The following COL20A1 variants were observed in gnomAD, a reference collection of about 807,000 sequenced individuals.
COL20A1 encodes collagen alpha-1(XX) chain.
COL20A1 carries 164 observed loss-of-function variants against 152.9 expected under a neutral mutation model. That is an observed-to-expected ratio of 1.07 (90% confidence interval 0.94 to 1.22). COL20A1 has a LOEUF of 1.22. Ranked by LOEUF, COL20A1 falls within the 50% of genes most tolerant of loss-of-function variation. COL20A1 has a pLI of 0.00. For missense variants in COL20A1, 1,873 were observed against 1,744.8 expected (o/e 1.07, Z -1.31); for synonymous variants, 864 against 756.0 (o/e 1.14, Z -2.34).
At position 63,295,087 on chromosome 20, in the gene COL20A1, C is replaced by G. The variant is rs898182205; in HGVS notation, c.-10-11C>G. On this transcript the variant is annotated splice_polypyrimidine_tract_variant and intron_variant, in intron 1 of 35. Transcript: ENST00000358894. ...GGACGGCTGAAGGGCATGGCCTCTT[C>G]CCTGCCACAGCCCGAGCACCATGAG... is the stretch of plus-strand genomic sequence containing the variant. The G allele has an allele frequency of 2.6e-6, 4 of 1,534,654 alleles. No individual in the cohort carries two copies. Among genetic ancestry groups the G allele is most frequent in the Non-Finnish European group, 3.5e-6 (4 of 1,135,684 alleles).
chr20:63,295,279 C>T (rs1216306920), intron 2 of COL20A1, 90 bp downstream of exon 2: 3 of 800,550 alleles, frequency 3.7e-6, no homozygotes, highest in Non-Finnish European at 6.1e-6. Context: ...GCCCCTGAGC[C>T]CCGTCTTCCT....
At position 63,320,058 on chromosome 20, in the gene COL20A1, G is replaced by A. The variant is rs558179729; in HGVS notation, c.2936G>A (p.Arg979His). ...SFHKVHVAVG[R>H]SKVRLYVDCR... ...TCACAGGTGCACGTGGCTGTGGGCC[G>A]CTCCAAGGTCAGGCTCTATGTGGAC... The change falls in exon 24 of 36, where the codon CGC becomes CAC. Residue 979 changes from arginine (R) to histidine (H), a missense_variant. By Grantham distance (29) the Arg-to-His change is conservative. Transcript: ENST00000358894. 4.4e-5 allele frequency: 68 copies of A among 1,554,838 alleles called. No individual in the cohort carries two copies. The highest frequency in any genetic ancestry group is 3.3e-4 in the Middle Eastern group (2 of 5,996).
chr20:63,316,771 G>C (rs1238912965), intron 21 of COL20A1, 80 bp downstream of exon 21: 2 of 1,350,932 alleles, frequency 1.5e-6, no homozygotes, highest in African/African-American at 2.9e-5. Context: ...TGGGGGGGCG[G>C]GCATGGGCCG....
In COL20A1 at chr20:63,307,977, C is replaced by T. The variant is rs1441647006; in HGVS notation, c.662C>T (p.Thr221Ile). 4 of 1,612,444 alleles carry T rather than the reference C, an allele frequency of 2.5e-6. No homozygotes were observed. Among genetic ancestry groups the T allele is most frequent in the Admixed American group, 3.3e-5 (2 of 59,986 alleles). The change falls in exon 7 of 36, where the codon ACT (threonine) becomes ATT (isoleucine). Residue 221 changes from threonine to isoleucine, a missense_variant. Coordinates refer to ENST00000358894, the MANE Select transcript of COL20A1 (RefSeq NM_020882.4). ...CCATGCCCCTGCTCCCCAGGCCTGA[C>T]TCAGTACAGCGGGGATGCTCAGACT... Reference protein sequence around the residue: ...IGPDKVQVGLTQYSGDAQTEW... With the variant: ...IGPDKVQVGLIQYSGDAQTEW...
intron 27 of COL20A1, 119 bp from the exon 28 acceptor site, chr20:63,325,322 G>A (rs1180468694): frequency 1.3e-6 from 1 of 797,006 alleles, no homozygotes; most frequent in Non-Finnish European, 2.2e-6. Context: ...GAGGCCAGCA[G>A]GGCTCGCCGG....
At chr20:63,322,845 G>T (rs1238153486) in intron 27 of COL20A1, among the ~76,000 whole-genome samples, 5 of 152,240 alleles carry the variant, frequency 3.3e-5, no homozygotes, top group Admixed American at 2.0e-4. Context: ...GAGCAAAGAC[G>T]TGCGCCTGGC....
intron 8 of COL20A1, 103 bp from the exon 9 acceptor site, chr20:63,309,230 G>C: frequency 1.1e-6 from 1 of 937,386 alleles, no homozygotes; most frequent in Non-Finnish European, 1.5e-6. Context: ...ACAGCCCATA[G>C]GCCTCTTTAC....
intron 30 of COL20A1, among the ~76,000 whole-genome samples, chr20:63,326,491 T>C (rs2068250620): frequency 6.6e-6 from 1 of 152,096 alleles, no homozygotes; most frequent in Non-Finnish European, 1.5e-5. Context: ...GCAGTCACAC[T>C]GGAGCAGCTG....
Position 63,310,503 on chromosome 20 carries a change from G to A in COL20A1, c.1386G>A (p.Val462=), listed in dbSNP as rs1359118662. ...TTGGCGAAGGCCTGCGGGGCCTGGT[G>A]ACCACAGGTAGGTGGGGCAGAGGCA... is the stretch of plus-strand genomic sequence containing the variant. The part of the protein sequence containing the change: ...GGVGEGLRGL[V]TTAPLPPPRA... The change falls in exon 11 of 36, where the codon GTG becomes GTA. Residue 462 remains valine (V), a synonymous_variant. Transcript: ENST00000358894. 6.3e-7 allele frequency: 1 copy of A among 1,597,352 alleles called. No homozygotes were observed. Among genetic ancestry groups the A allele is most frequent in the Non-Finnish European group, 8.5e-7 (1 of 1,172,714 alleles).
Position 63,320,386 on chromosome 20 carries a change from C to A in COL20A1, c.3153+18C>A, listed in dbSNP as rs746003969. 1.2e-6 allele frequency: 2 copies of A among 1,609,358 alleles called. No homozygotes were observed. Among genetic ancestry groups the A allele is most frequent in the South Asian group, 2.2e-5 (2 of 91,066 alleles). On this transcript the variant is annotated intron_variant, in intron 25 of 35. Coordinates refer to ENST00000358894, the MANE Select transcript of COL20A1 (RefSeq NM_020882.4). The stretch of plus-strand genomic sequence containing the variant: ...CTGCCTCGGTGTGCCCCGTCCCTTG[C>A]CCCTGTTCCACGAAGCAAGTTAGGG...
rs755465317 is a variant in COL20A1 at position 63,326,093 on chromosome 20, CAG to C, written c.3403-2_3403-1del. The C allele has an allele frequency of 6.2e-7, 1 of 1,612,650 alleles. No homozygotes were observed. The highest frequency in any genetic ancestry group is 1.7e-5 in the Admixed American group (1 of 60,000). ...CCCAGCTTGCGCCTTCCTTTGCCATCAGGGAATGAGAGGCCTGGAGGGAACTG... is the reference window on the plus strand; with the variant it reads ...CCCAGCTTGCGCCTTCCTTTGCCATCGGAATGAGAGGCCTGGAGGGAACTG... On this transcript the variant is annotated splice_acceptor_variant, in intron 29 of 35. Transcript: ENST00000358894. LOFTEE classifies it high-confidence loss of function.
In COL20A1 at chr20:63,320,149, G is replaced by T. The variant is rs368035015; in HGVS notation, c.3027G>T (p.Thr1009=). 1.9e-6 allele frequency: 3 copies of T among 1,550,490 alleles called. No individual in the cohort carries two copies. The highest frequency in any genetic ancestry group is 2.6e-6 in the Non-Finnish European group (3 of 1,148,612). Residue 1009 remains threonine (T), a synonymous_variant, in exon 24 of 36, where the codon ACG becomes ACT. Coordinates refer to ENST00000358894, the MANE Select transcript of COL20A1 (RefSeq NM_020882.4). ...GCCCACCCGCTGCGGGCTTCGTCAC[G>T]CTGGGGAGGCTGGCCAAGGCCAGGG... ...MGSPPAAGFV[T]LGRLAKARGP...
intron 31 of COL20A1, 106 bp from the exon 32 acceptor site, chr20:63,327,846 C>A: frequency 8.6e-7 from 1 of 1,166,264 alleles, no homozygotes; most frequent in South Asian, 1.4e-5. Context: ...GCCACTGTGG[C>A]TATCAGGCTG....
intron 34 of COL20A1, 48 bp from the exon 35 acceptor site, chr20:63,329,537 C>G (rs774920951): frequency 1.4e-6 from 2 of 1,477,336 alleles, no homozygotes; most frequent in Non-Finnish European, 1.9e-6. Flanking sequence ...AACAGGGCCC[C>G]AAGCCACTGC....
chr20:63,300,811 A>G (rs1272655239), intron 3 of COL20A1, among the ~76,000 whole-genome samples: 3 of 152,224 alleles, frequency 2.0e-5, no homozygotes, highest in Non-Finnish European at 2.9e-5. Context: ...AGCAGTAGCT[A>G]TAGCTGCATT....
At chr20:63,302,311 C>G (rs910340343) in intron 3 of COL20A1, among the ~76,000 whole-genome samples, 2 of 152,020 alleles carry the variant, frequency 1.3e-5, no homozygotes, top group Admixed American at 1.3e-4. Flanking sequence ...TAACTTGATG[C>G]ATGTCTTTTA....
At chr20:63,302,723 A>G (rs1474261821) in intron 3 of COL20A1, among the ~76,000 whole-genome samples, 1 of 152,230 alleles carries the variant, frequency 6.6e-6, no homozygotes, top group African/African-American at 2.4e-5. Context: ...AATCTAAAGC[A>G]GTTTCCCCCT....
In COL20A1 at chr20:63,305,156, C is replaced by A. The variant is rs1234762472; in HGVS notation, c.194-261C>A. ...GTATCTCTGAGGGTTGATGGCTTCT[C>A]ACCTCACCATGCGGCGGATTCCTCT... On this transcript the variant is annotated intron_variant, in intron 3 of 35. Coordinates refer to ENST00000358894, the MANE Select transcript of COL20A1 (RefSeq NM_020882.4). This position sits in a 1 kb window ranked among gnomAD's most constrained non-coding sequence, Gnocchi z 4.9. Among the ~76,000 whole-genome samples, 1 of 152,136 alleles carries A rather than the reference C, an allele frequency of 6.6e-6. No individual in the cohort carries two copies. Among genetic ancestry groups the A allele is most frequent in the African/African-American group, 2.4e-5 (1 of 41,428 alleles).
intron 21 of COL20A1, among the ~76,000 whole-genome samples, chr20:63,318,640 C>A (rs915630848): frequency 6.6e-6 from 1 of 152,168 alleles, no homozygotes; most frequent in Non-Finnish European, 1.5e-5. Context: ...CTCACCCTCA[C>A]GGGCCCCGGG....
Sources: gnomAD v4.1 joint callset for allele counts (sites outside exome capture counted in the v4.1 genomes callset) on GRCh38, gnomAD v4.1.1 for gene constraint, Gnocchi (gnomAD v3.1) non-coding constraint, MANE v1.5 for transcripts, NCBI Gene and HGNC (gene_info 2026-07-23, HGNC 2026-07-21) for gene names.